Variants in SNTG2 observed in about 807,000 individuals in gnomAD.
The protein encoded by SNTG2 is gamma-2-syntrophin.
A neutral mutation model predicts 70.9 loss-of-function variants in SNTG2; 74 were observed. The ratio of observed to expected loss-of-function variants is 1.04; its 90% CI spans 0.86 to 1.27. The LOEUF (loss-of-function observed/expected upper bound fraction) is 1.27. Among genes scored for constraint, SNTG2 ranks in the 50% most tolerant of loss-of-function variants. The pLI is 0.00. For synonymous variants in SNTG2, 278 were observed against 273.8 expected (o/e 1.02, Z -0.15); for missense variants, 717 against 690.7 (o/e 1.04, Z -0.43).
chr2:1,222,155 A>G (rs1277241719), intron 9 of SNTG2, among the ~76,000 whole-genome samples: 3 of 113,466 alleles, frequency 2.6e-5, no homozygotes, highest in Admixed American at 1.9e-4. Flanking sequence ...GTCTCTGCCT[A>G]TCTCTGTCTT....
Position 1,260,503 on chromosome 2 carries a change from G to T in SNTG2, c.1077+1062G>T, listed in dbSNP as rs981916295. ...TTTAAATTAAGACTCCTAATTACAG[G>T]TTGTAATAAACAATCATTGATCAGA... On this transcript the variant is annotated intron_variant, in intron 13 of 16. Transcript: ENST00000308624. Among the ~76,000 whole-genome samples the T allele has an allele frequency of 1.1e-4, 16 of 152,276 alleles. No homozygotes were observed. In the South Asian group the frequency reaches 2.5e-3, roughly 24 times the overall value.
chr2:1,072,343 C>CTTTTTTTT (rs1412825740), intron 1 of SNTG2, among the ~76,000 whole-genome samples: 3 of 23,502 alleles, frequency 1.3e-4, no homozygotes, highest in African/African-American at 3.3e-4. Flanking sequence ...TTTTCTTTTT[C>CTTTTTTTT]TTTTTCTTTT....
intron 9 of SNTG2, among the ~76,000 whole-genome samples, chr2:1,215,835 G>A (rs529037104): frequency 0.01 from 1,535 of 151,938 alleles, 25 homozygotes; most frequent in African/African-American, 0.035. Context: ...ATAGTTTGCT[G>A]AGAATGATGG....
intron 1 of SNTG2, among the ~76,000 whole-genome samples, chr2:1,066,264 G>A (rs574493038): frequency 1.3e-5 from 2 of 152,316 alleles, no homozygotes; most frequent in African/African-American, 4.8e-5. Flanking sequence ...GGTTGAAGAA[G>A]TAGTTGGTTG....
rs144697299 is a variant in SNTG2 at position 1,141,404 on chromosome 2, A to G, written c.411+3595A>G. On this transcript the variant is annotated intron_variant, in intron 6 of 16. Coordinates refer to ENST00000308624, the MANE Select transcript of SNTG2 (RefSeq NM_018968.4). ...ATGTGTGCTAACAGCTAGAAACTGC[A>G]GGAGAAAGAATCACTGGCCATTTTC... Among the ~76,000 whole-genome samples, 1,364 of 152,328 alleles carry G rather than the reference A, an allele frequency of 9.0e-3. 16 individuals carry two copies. The highest frequency in any genetic ancestry group is 0.044 in the Middle Eastern group (13 of 294).
At chr2:1,214,146 T>C (rs970491902) in intron 9 of SNTG2, among the ~76,000 whole-genome samples, 5 of 152,234 alleles carry the variant, frequency 3.3e-5, no homozygotes, top group Admixed American at 6.5e-5. Flanking sequence ...GTTTTGATTA[T>C]TATAGCTTTA....
intron 1 of SNTG2, among the ~76,000 whole-genome samples, chr2:1,036,824 C>T (rs1292266788): frequency 6.6e-6 from 1 of 152,192 alleles, no homozygotes; most frequent in Non-Finnish European, 1.5e-5. Context: ...CCTTGCCCAG[C>T]GTTTGTCTTG....
At chr2:1,222,291 A>G (rs946911124) in intron 9 of SNTG2, among the ~76,000 whole-genome samples, 1 of 152,260 alleles carries the variant, frequency 6.6e-6, no homozygotes, top group African/African-American at 2.4e-5. Flanking sequence ...AAGATGCTGC[A>G]AAGTCTCCGC....
chr2:1,256,262 A>G (rs1678115222), intron 12 of SNTG2: 1 of 152,070 alleles, frequency 6.6e-6, no homozygotes, highest in East Asian at 1.9e-4. Context: ...TGTGCAGTTC[A>G]TTGTTAACTG....
At chr2:992,553 A>G (rs1661535351) in intron 1 of SNTG2, among the ~76,000 whole-genome samples, 1 of 152,238 alleles carries the variant, frequency 6.6e-6, no homozygotes, top group Non-Finnish European at 1.5e-5. Context: ...AATTACCATC[A>G]ACTGACCCAA....
chr2:1,190,316 T>A (rs1672503002), intron 8 of SNTG2, among the ~76,000 whole-genome samples: 2 of 151,848 alleles, frequency 1.3e-5, no homozygotes, highest in African/African-American at 4.8e-5. Context: ...AGATTACTTA[T>A]AATACCTAAT....
Position 1,083,585 on chromosome 2 carries a change from T to C in SNTG2, c.140T>C (p.Leu47Pro). The change falls in exon 2 of 17, where the codon CTG becomes CCG. Residue 47 changes from leucine to proline, a missense_variant. Leu to Pro is a moderately conservative substitution (Grantham distance 98). Coordinates refer to ENST00000308624, the MANE Select transcript of SNTG2 (RefSeq NM_018968.4). ...SENAYDIRLK[L>P]TKEVLTIQKQ... is the part of the protein sequence containing the mutation. The stretch of plus-strand genomic sequence containing the variant: ...AATGCCTATGACATCCGGCTGAAGC[T>C]GACGAAAGAGGTGCTGACAATTCAG... 6.2e-7 allele frequency: 1 copy of C among 1,613,780 alleles called. No homozygotes were observed.
At chr2:976,865 C>A (rs1660922120) in intron 1 of SNTG2, among the ~76,000 whole-genome samples, 1 of 152,162 alleles carries the variant, frequency 6.6e-6, no homozygotes, top group Non-Finnish European at 1.5e-5. Flanking sequence ...CCCCCATCTT[C>A]CAGATTTGCT....
intron 1 of SNTG2, among the ~76,000 whole-genome samples, chr2:1,037,383 A>G (rs1195890769): frequency 6.6e-6 from 1 of 152,342 alleles, no homozygotes; most frequent in South Asian, 2.1e-4. Flanking sequence ...TGAGCCAGAC[A>G]TGGATTTAAA....
chr2:1,318,145 G>A (rs533245717), intron 16 of SNTG2, among the ~76,000 whole-genome samples: 5 of 152,256 alleles, frequency 3.3e-5, no homozygotes, highest in Admixed American at 6.5e-5. Context: ...CATATTTTAT[G>A]TATAAATGTG....
chr2:1,155,596 C>T (rs12714391), intron 6 of SNTG2, among the ~76,000 whole-genome samples: 1 of 151,830 alleles, frequency 6.6e-6, no homozygotes, highest in African/African-American at 2.4e-5. Flanking sequence ...ATGTGTGCAA[C>T]AATCTGGACG....
intron 1 of SNTG2, among the ~76,000 whole-genome samples, chr2:1,022,447 C>A (rs1053148989): frequency 6.6e-6 from 1 of 151,884 alleles, no homozygotes; most frequent in Admixed American, 6.6e-5. Flanking sequence ...ATCTGAGTTC[C>A]CATGATTGCC....
Position 1,340,545 on chromosome 2 carries a change from C to T in SNTG2, c.1488+24170C>T, listed in dbSNP as rs371221325. Among the ~76,000 whole-genome samples, 27 of 152,282 alleles carry T rather than the reference C, an allele frequency of 1.8e-4. No individual in the cohort carries two copies. In the East Asian group the frequency reaches 3.9e-3, roughly 22 times the overall value. The stretch of plus-strand genomic sequence containing the variant: ...TGGCGTCTCTCCAAAAAGATATGAT[C>T]ACCTCTATTCTTTCAATTGAAAAAG... On this transcript the variant is annotated intron_variant, in intron 16 of 16. Transcript: ENST00000308624.
chr2:1,166,372 TC>T (rs1265088396), intron 7 of SNTG2, among the ~76,000 whole-genome samples: 16 of 152,144 alleles, frequency 1.1e-4, no homozygotes, highest in African/African-American at 3.6e-4. Context: ...ACAGTCGGGT[TC>T]CTTCTCATGG....
Sources: allele counts gnomAD v4.1 joint callset (sites outside exome capture counted in the v4.1 genomes callset), GRCh38; gene constraint gnomAD v4.1.1; transcripts MANE v1.5; gene names NCBI Gene and HGNC (gene_info 2026-07-23, HGNC 2026-07-21).